EPDR1: variants seen among roughly 807,000 people sequenced by gnomAD.
EPDR1 encodes the protein ependymin related 1, also known as mammalian ependymin-related protein 1.
A neutral mutation model predicts 23.7 loss-of-function variants in EPDR1; 27 were observed. That is an observed-to-expected ratio of 1.14 (90% CI 0.84 to 1.57). The LOEUF (loss-of-function observed/expected upper bound fraction) is 1.57, where lower values mean the gene tolerates loss of function less well. EPDR1 is among the 40% of genes most tolerant of loss of function. EPDR1 has a pLI of 0.00. For synonymous variants in EPDR1, 137 were observed against 118.2 expected (o/e 1.16, Z -1.03); for missense variants, 349 against 290.4 (o/e 1.20, Z -1.47).
chr7:37,938,180 T>C (rs1039164098), intron 1 of EPDR1, among the ~76,000 whole-genome samples: 4 of 151,682 alleles, frequency 2.6e-5, no homozygotes, highest in Non-Finnish European at 5.9e-5. Flanking sequence ...TTAGTGGAGA[T>C]GGGGTTTCAC....
chr7:37,928,186 C>G (rs575201144), intron 1 of EPDR1, among the ~76,000 whole-genome samples: 1 of 152,288 alleles, frequency 6.6e-6, no homozygotes, highest in African/African-American at 2.4e-5. Flanking sequence ...TTGAAAACAT[C>G]TTTACTTTCT....
chr7:37,945,589 T>C (rs1786258496), intron 1 of EPDR1, among the ~76,000 whole-genome samples: 1 of 152,194 alleles, frequency 6.6e-6, no homozygotes. Context: ...CCTAGTGACC[T>C]CATAGCCATA....
chr7:37,944,644 T>C (rs1458507663), intron 1 of EPDR1, among the ~76,000 whole-genome samples: 1 of 152,192 alleles, frequency 6.6e-6, no homozygotes, highest in Non-Finnish European at 1.5e-5. Flanking sequence ...CATCAGACCT[T>C]GTGAGACTTA....
intron 1 of EPDR1, among the ~76,000 whole-genome samples, chr7:37,930,115 G>T (rs542562407): frequency 3.0e-4 from 46 of 152,314 alleles, no homozygotes; most frequent in African/African-American, 1.1e-3. Context: ...GATGACTCCT[G>T]CCCGCTCACA....
intron 1 of EPDR1, among the ~76,000 whole-genome samples, chr7:37,926,330 T>G (rs1194071958): frequency 6.6e-6 from 1 of 151,612 alleles, no homozygotes; most frequent in Non-Finnish European, 1.5e-5. Context: ...CCCAAATGCT[T>G]CAGTGTATTT....
At chr7:37,928,683 C>G (rs901183812) in intron 1 of EPDR1, among the ~76,000 whole-genome samples, 2 of 152,076 alleles carry the variant, frequency 1.3e-5, no homozygotes, top group African/African-American at 4.8e-5. Flanking sequence ...TCTGGTTTTC[C>G]TTCTCCCACC....
chr7:37,934,170 G>A (rs949197506), intron 1 of EPDR1, among the ~76,000 whole-genome samples: 3 of 152,118 alleles, frequency 2.0e-5, no homozygotes, highest in Non-Finnish European at 2.9e-5. Flanking sequence ...TAGAGACGGA[G>A]TTTCACTGTG....
chr7:37,920,858 C>CGGCG lies in EPDR1; in HGVS notation c.-79_-76dup. On this transcript the variant is annotated 5_prime_UTR_variant, in exon 1 of 3. Coordinates refer to ENST00000199448, the MANE Select transcript of EPDR1 (RefSeq NM_017549.5). ...ACTCCCGGCACAGTGCGGAAAGAGC[C>CGGCG]GGCGGGAGCCACTCTGATCCCGGAC... 1 of 1,610,310 alleles carries CGGCG rather than the reference C, an allele frequency of 6.2e-7. No homozygotes were observed. Among genetic ancestry groups the CGGCG allele is most frequent in the Middle Eastern group, 1.7e-4 (1 of 6,050 alleles).
intron 2 of EPDR1, among the ~76,000 whole-genome samples, 196 bp downstream of exon 2, chr7:37,949,244 C>T (rs531859331): frequency 2.1e-3 from 323 of 152,302 alleles, no homozygotes; most frequent in Non-Finnish European, 3.3e-3. Flanking sequence ...ACACCTCAGC[C>T]TTCTAGTGCC....
At chr7:37,948,029 C>T (rs909324580) in intron 1 of EPDR1, among the ~76,000 whole-genome samples, 7 of 152,230 alleles carry the variant, frequency 4.6e-5, no homozygotes, top group Non-Finnish European at 8.8e-5. Flanking sequence ...ATCAGCTATG[C>T]GCATCAAAGC....
intron 1 of EPDR1, among the ~76,000 whole-genome samples, chr7:37,935,943 A>G (rs1786036165): frequency 7.1e-6 from 1 of 140,840 alleles, no homozygotes; most frequent in Non-Finnish European, 1.5e-5. Flanking sequence ...TATTAACAAA[A>G]CTGTAGAAAT....
At chr7:37,931,242 G>A (rs559417417) in intron 1 of EPDR1, among the ~76,000 whole-genome samples, 4 of 152,038 alleles carry the variant, frequency 2.6e-5, no homozygotes, top group South Asian at 2.1e-4. Flanking sequence ...GGCCAGGTGC[G>A]GTGGCTCACG....
Position 37,950,647 on chromosome 7 carries a change from T to TA in EPDR1, c.*253dup, listed in dbSNP as rs1786385487. ...CTAATATGGACACTTTGGGTATTTCTAATGCCTGTTCAGGGCTGGTTTTCT... is the reference window on the plus strand; with the variant it reads ...CTAATATGGACACTTTGGGTATTTCTAAATGCCTGTTCAGGGCTGGTTTTCT... On this transcript the variant is annotated 3_prime_UTR_variant, in exon 3 of 3. Transcript: ENST00000199448. The TA allele has an allele frequency of 8.6e-6, 4 of 465,378 alleles. No homozygotes were observed. Among genetic ancestry groups the TA allele is most frequent in the Non-Finnish European group, 1.5e-5 (4 of 260,916 alleles). 28.8% of individuals were successfully genotyped at this position (465,378 alleles called of 1,614,324 possible).
chr7:37,949,097 A>G, intron 2 of EPDR1, 49 bp downstream of exon 2: 7 of 1,544,790 alleles, frequency 4.5e-6, no homozygotes, highest in Non-Finnish European at 6.2e-6. Context: ...CATGATGGGG[A>G]AAAAGGTTTA....
chr7:37,934,164 G>A (rs987919010), intron 1 of EPDR1, among the ~76,000 whole-genome samples: 1 of 152,110 alleles, frequency 6.6e-6, no homozygotes, highest in Non-Finnish European at 1.5e-5. Flanking sequence ...TTTTAGTAGA[G>A]ACGGAGTTTC....
chr7:37,946,745 G>A (rs1786284752), intron 1 of EPDR1, among the ~76,000 whole-genome samples: 1 of 152,016 alleles, frequency 6.6e-6, no homozygotes, highest in South Asian at 2.1e-4. Context: ...TCCTAACCTT[G>A]TGTAGGCCTG....
intron 1 of EPDR1, among the ~76,000 whole-genome samples, chr7:37,940,241 T>A (rs982762679): frequency 3.9e-5 from 6 of 152,126 alleles, no homozygotes; most frequent in African/African-American, 1.2e-4. Flanking sequence ...TTGACAGGCA[T>A]GCAGGAAAAA....
intron 1 of EPDR1, among the ~76,000 whole-genome samples, chr7:37,923,745 T>C (rs1440746829): frequency 6.6e-6 from 1 of 152,136 alleles, no homozygotes; most frequent in African/African-American, 2.4e-5. Flanking sequence ...ACTCTGAATA[T>C]GGGTCTTTGG....
At chr7:37,941,569 C>A (rs983767579) in intron 1 of EPDR1, among the ~76,000 whole-genome samples, 1 of 152,186 alleles carries the variant, frequency 6.6e-6, no homozygotes, top group African/African-American at 2.4e-5. Context: ...ATGACAAACG[C>A]TCAAATAGCA....
Sources: allele counts gnomAD v4.1 joint callset (sites outside exome capture counted in the v4.1 genomes callset), GRCh38; gene constraint gnomAD v4.1.1; transcripts MANE v1.5; gene names NCBI Gene and HGNC (gene_info 2026-07-23, HGNC 2026-07-21).